Variants in MCC observed in about 807,000 individuals in gnomAD.
MCC encodes the protein colorectal mutant cancer protein.
Under a neutral mutation model 116.2 loss-of-function variants are expected in MCC, and 90 were observed. The observed-to-expected ratio is 0.77, with a 90% CI of 0.65 to 0.92. The LOEUF (loss-of-function observed/expected upper bound fraction) is 0.92, where lower values mean the gene tolerates loss of function less well. MCC is among the 40% of genes least tolerant of loss of function. The probability of loss-of-function intolerance (pLI) is 0.00; values close to 1 mark genes in which losing one functional copy is unlikely to be tolerated. For synonymous variants in MCC, 578 were observed against 510.5 expected (o/e 1.13, Z -1.78); for missense variants, 1,516 against 1,312.2 (o/e 1.16, Z -2.40).
intron 3 of MCC, among the ~76,000 whole-genome samples, chr5:113,333,893 A>G (rs1767806053): frequency 2.4e-5 from 3 of 123,868 alleles, no homozygotes; most frequent in Non-Finnish European, 3.4e-5. Context: ...ATGTATTTAT[A>G]TATCTATATA....
At chr5:113,236,882 T>C (rs1359919375) in intron 3 of MCC, among the ~76,000 whole-genome samples, 1 of 152,138 alleles carries the variant, frequency 6.6e-6, no homozygotes, top group African/African-American at 2.4e-5. Flanking sequence ...AGGAGAGCAT[T>C]CCCACTCTTT....
chr5:113,484,043 G>A (rs960455932), intron 1 of MCC, among the ~76,000 whole-genome samples: 1 of 152,162 alleles, frequency 6.6e-6, no homozygotes, highest in African/African-American at 2.4e-5. Context: ...GGGCCTATCA[G>A]AGGGTGGAAG....
At chr5:113,141,273 G>C (rs1759166447) in intron 5 of MCC, among the ~76,000 whole-genome samples, 1 of 152,172 alleles carries the variant, frequency 6.6e-6, no homozygotes, top group South Asian at 2.1e-4. Context: ...CTTGGACTGA[G>C]ATTTACACCA....
intron 5 of MCC, among the ~76,000 whole-genome samples, chr5:113,141,963 T>C (rs1347480363): frequency 2.6e-5 from 4 of 152,184 alleles, no homozygotes; most frequent in African/African-American, 9.7e-5. Flanking sequence ...CTATAATCAT[T>C]CTTTTGGGCT....
In MCC at chr5:113,042,754, C is replaced by T. The variant is rs565159763; in HGVS notation, c.2756+776G>A. ...TTGAGATATGCTGAGGTGTAAAATA[C>T]ATACCAGGTTTTGAAAACTTGGTTA... is the stretch of plus-strand genomic sequence containing the variant. On this transcript the variant is annotated intron_variant, in intron 17 of 18. Coordinates refer to ENST00000408903, the MANE Select transcript of MCC (RefSeq NM_001085377.2). 2.0e-5 allele frequency among the ~76,000 whole-genome samples: 3 copies of T among 151,668 alleles called. No individual in the cohort carries two copies. The East Asian group carries it at 5.8e-4, about 29-fold the overall frequency.
chr5:113,048,741 G>A (rs908021561), intron 16 of MCC: 1 of 413,484 alleles, frequency 2.4e-6, no homozygotes, highest in African/African-American at 2.0e-5. Flanking sequence ...TGGATAAAGG[G>A]GGCCCTATTA....
chr5:113,131,382 T>C (rs574359061), intron 5 of MCC, among the ~76,000 whole-genome samples: 24 of 152,250 alleles, frequency 1.6e-4, no homozygotes, highest in Admixed American at 1.4e-3. Context: ...AAAGAGCACA[T>C]ATTACAAAAC....
intron 1 of MCC, among the ~76,000 whole-genome samples, chr5:113,409,404 T>C (rs1433197554): frequency 6.6e-6 from 1 of 151,928 alleles, no homozygotes. Context: ...CAGCCTGGAG[T>C]GCAGTGGTGT....
chr5:113,367,354 T>C (rs1342891719), intron 2 of MCC, among the ~76,000 whole-genome samples: 1 of 143,714 alleles, frequency 7.0e-6, no homozygotes, highest in African/African-American at 2.6e-5. Context: ...CTTAGCCAAT[T>C]ATCTAAGTCT....
chr5:113,446,691 A>C (rs1771228219), intron 1 of MCC, among the ~76,000 whole-genome samples: 1 of 152,190 alleles, frequency 6.6e-6, no homozygotes, highest in Non-Finnish European at 1.5e-5. Context: ...AAGAACTAAA[A>C]ATAGACCCAG....
At position 113,128,663 on chromosome 5, in the gene MCC, A is replaced by G. The variant is rs1051957735; in HGVS notation, c.885-5837T>C. 3.3e-5 allele frequency among the ~76,000 whole-genome samples: 5 copies of G among 152,360 alleles called. No homozygotes were observed. The East Asian group carries it at 7.7e-4, about 23-fold the overall frequency. ...AACAATCCATTTTTGTCTTAACAAG[A>G]GCTCATATAAGATCCATATTCAAGA... is the stretch of plus-strand genomic sequence containing the variant. On this transcript the variant is annotated intron_variant, in intron 5 of 18. Coordinates refer to ENST00000408903, the MANE Select transcript of MCC (RefSeq NM_001085377.2).
At chr5:113,357,150 G>A (rs928063050) in intron 2 of MCC, among the ~76,000 whole-genome samples, 2 of 152,204 alleles carry the variant, frequency 1.3e-5, no homozygotes, top group Non-Finnish European at 2.9e-5. Flanking sequence ...GTACTTTCAT[G>A]AGGTTGTTGT....
At chr5:113,396,034 A>G (rs1460489011) in intron 1 of MCC, among the ~76,000 whole-genome samples, 1 of 152,204 alleles carries the variant, frequency 6.6e-6, no homozygotes. Context: ...CTTAGTGATC[A>G]AAAACAAACA....
intron 1 of MCC, among the ~76,000 whole-genome samples, chr5:113,413,997 A>G (rs1284277233): frequency 1.3e-5 from 2 of 152,212 alleles, no homozygotes; most frequent in African/African-American, 2.4e-5. Flanking sequence ...GTTTCAAAGA[A>G]CATCTTTATT....
Position 113,225,764 on chromosome 5 carries a change from C to T in MCC, c.628-74342G>A, listed in dbSNP as rs573874374. On this transcript the variant is annotated intron_variant, in intron 3 of 18. Coordinates refer to ENST00000408903, the MANE Select transcript of MCC (RefSeq NM_001085377.2). ...CAGGCATCCCAGGAAGCAGTGAGAA[C>T]AATGGAATGTCAGAACCAGAAAGGA... Among the ~76,000 whole-genome samples, 5 of 152,292 alleles carry T rather than the reference C, an allele frequency of 3.3e-5. No homozygotes were observed. The East Asian group carries it at 9.6e-4, about 29-fold the overall frequency.
chr5:113,085,284 C>G lies in MCC; in HGVS notation c.1425G>C (p.Gln475His). ...TGGAGGGACCTGTGGCCTGCACGCT[C>G]TGTAGTCGAGTTTGAAGCTCTCTGA... ...RRVRELQTRL[Q>H]SVQATGPSSP... Residue 475 changes from glutamine to histidine, a missense_variant, in exon 9 of 19, where the codon CAG becomes CAC. Gln to His is a conservative substitution (Grantham distance 24). Coordinates refer to ENST00000408903, the MANE Select transcript of MCC (RefSeq NM_001085377.2). 1 of 1,613,732 alleles carries G rather than the reference C, an allele frequency of 6.2e-7. No homozygotes were observed. Among genetic ancestry groups the G allele is most frequent in the East Asian group, 2.2e-5 (1 of 44,844 alleles).
intron 1 of MCC, among the ~76,000 whole-genome samples, chr5:113,417,521 C>T (rs1257824902): frequency 6.9e-6 from 1 of 145,042 alleles, no homozygotes; most frequent in Non-Finnish European, 1.5e-5. Flanking sequence ...AATAGTTTCC[C>T]ATTTGAAAAG....
intron 4 of MCC, among the ~76,000 whole-genome samples, chr5:113,146,549 C>A (rs1318939682): frequency 6.6e-6 from 1 of 151,928 alleles, no homozygotes; most frequent in Non-Finnish European, 1.5e-5. Context: ...CTCTCTTCAA[C>A]CCCCAGAGAG....
At chr5:113,327,219 G>A (rs1454607380) in intron 3 of MCC, among the ~76,000 whole-genome samples, 1 of 152,098 alleles carries the variant, frequency 6.6e-6, no homozygotes, top group South Asian at 2.1e-4. Context: ...TGAAAAGATA[G>A]GTATGTGTGT....
Sources: gnomAD v4.1 joint callset for allele counts (sites outside exome capture counted in the v4.1 genomes callset) on GRCh38, gnomAD v4.1.1 for gene constraint, MANE v1.5 for transcripts, NCBI Gene and HGNC (gene_info 2026-07-23, HGNC 2026-07-21) for gene names.